The following CELSR1 variants were observed in gnomAD, a reference collection of about 807,000 sequenced individuals.
CELSR1 encodes adhesion G protein-coupled receptor C1.
CELSR1 carries 110 observed loss-of-function variants against 249.1 expected under a neutral mutation model. The observed-to-expected ratio is 0.44, with a 90% CI of 0.38 to 0.52. The LOEUF (loss-of-function observed/expected upper bound fraction) is 0.52. CELSR1 is among the 20% of genes least tolerant of loss of function. CELSR1 has a pLI of 0.00. For synonymous variants in CELSR1, 2,113 were observed against 1,900.0 expected, an observed-to-expected ratio of 1.11 and a Z score of -2.92; for missense variants, 4,109 against 4,296.4, an observed-to-expected ratio of 0.96 and a Z score of 1.22.
chr22:46,379,860 G>A lies in CELSR1; in HGVS notation c.7256+928C>T, dbSNP rs531981317. ...TTCCCGGCACTCCCTCCCGGTGTGTGGGGAGGCAGTGGGTCTTCCCCTCCC... is the reference window on the plus strand; with the variant it reads ...TTCCCGGCACTCCCTCCCGGTGTGTAGGGAGGCAGTGGGTCTTCCCCTCCC... On this transcript the variant is annotated intron_variant, in intron 22 of 34. Transcript: ENST00000674500. 6.8e-3 allele frequency among the ~76,000 whole-genome samples: 1,032 copies of A among 152,240 alleles called. 18 individuals carry two copies. Among genetic ancestry groups the A allele is most frequent in the Non-Finnish European group, 8.1e-3 (551 of 68,020 alleles).
At chr22:46,519,710 C>T (rs530342372) in intron 1 of CELSR1, among the ~76,000 whole-genome samples, 1 of 152,268 alleles carries the variant, frequency 6.6e-6, no homozygotes, top group Non-Finnish European at 1.5e-5. Flanking sequence ...AACACTGGAC[C>T]CTGCTCAGGT....
At chr22:46,524,567 T>C (rs2080719682) in intron 1 of CELSR1, among the ~76,000 whole-genome samples, 1 of 66,370 alleles carries the variant, frequency 1.5e-5, no homozygotes, top group Non-Finnish European at 4.4e-5. Flanking sequence ...TGTGTGTGTG[T>C]GTGTCTGTCT....
In CELSR1 at chr22:46,372,413, C is replaced by A. The variant is rs1474823515; in HGVS notation, c.7759+470G>T. On this transcript the variant is annotated intron_variant, in intron 25 of 34. Coordinates refer to ENST00000674500, the MANE Select transcript of CELSR1 (RefSeq NM_001378328.1). ...TCTACCCATCCACTCACTCACCCCT[C>A]CACCCATCCATCCACTCATTCACCC... Among the ~76,000 whole-genome samples the A allele has an allele frequency of 1.5e-4, 19 of 124,468 alleles. 1 individual carries two copies. The highest frequency in any genetic ancestry group is 4.9e-4 in the African/African-American group (16 of 32,676). The allele number at this position is 124,468 out of a possible 152,430, so 81.7% of individuals were successfully genotyped here.
At chr22:46,503,472 C>G (rs2080485283) in intron 1 of CELSR1, among the ~76,000 whole-genome samples, 1 of 152,318 alleles carries the variant, frequency 6.6e-6, no homozygotes, top group Middle Eastern at 3.4e-3. Context: ...CCCACTGTGA[C>G]CACGGGAGGC....
At position 46,454,057 on chromosome 22, in the gene CELSR1, T is replaced by C. The variant is rs2079917165; in HGVS notation, c.4183+9650A>G. Among the ~76,000 whole-genome samples the C allele has an allele frequency of 6.6e-6, 1 of 152,152 alleles. No homozygotes were observed. Among genetic ancestry groups the C allele is most frequent in the South Asian group, 2.1e-4 (1 of 4,814 alleles). On this transcript the variant is annotated intron_variant, in intron 2 of 34. Transcript: ENST00000674500. This position sits in a 1 kb window ranked among gnomAD's most constrained non-coding sequence, Gnocchi z 5.1. ...GGGGCAGTCATCCTGCATTACTGTG[T>C]GGCCCCAAAGTCATCACAAGGCTCC...
At chr22:46,373,710 G>T (rs2078885828) in intron 24 of CELSR1, among the ~76,000 whole-genome samples, 1 of 136,820 alleles carries the variant, frequency 7.3e-6, no homozygotes. Flanking sequence ...AGATGGGGGA[G>T]ATGGGGGAGA....
chr22:46,478,830 G>A (rs1490829567), intron 1 of CELSR1, among the ~76,000 whole-genome samples: 3 of 151,896 alleles, frequency 2.0e-5, no homozygotes, highest in Admixed American at 6.6e-5. Context: ...GGGATTACAG[G>A]TGTGAGCCAC....
chr22:46,505,694 G>A lies in CELSR1; in HGVS notation c.3544+27933C>T, dbSNP rs185169480. 3.3e-5 allele frequency among the ~76,000 whole-genome samples: 5 copies of A among 152,110 alleles called. No individual in the cohort carries two copies. The East Asian group carries it at 9.6e-4, about 29-fold the overall frequency. ...GCAATTTGCACTTGGAGGTGGGTGG[G>A]GAAACACAGAAATGGTGTATATGTT... On this transcript the variant is annotated intron_variant, in intron 1 of 34. Coordinates refer to ENST00000674500, the MANE Select transcript of CELSR1 (RefSeq NM_001378328.1).
At chr22:46,386,290 G>A in intron 19 of CELSR1, 112 bp downstream of exon 19, 1 of 1,220,132 alleles carries the variant, frequency 8.2e-7, no homozygotes, top group Non-Finnish European at 1.1e-6. Flanking sequence ...TTTTCTAAGA[G>A]CATGGCCAAG....
rs922725560 is a variant in CELSR1 at position 46,518,893 on chromosome 22, C to T, written c.3544+14734G>A. On this transcript the variant is annotated intron_variant, in intron 1 of 34. Coordinates refer to ENST00000674500, the MANE Select transcript of CELSR1 (RefSeq NM_001378328.1). This position sits in a 1 kb window ranked among gnomAD's most constrained non-coding sequence, Gnocchi z 5.2. The stretch of plus-strand genomic sequence containing the variant: ...ACTAAAAATACAAAAATTAGCTGGA[C>T]GTGGTGGCGCATGCCTGTAATCCCA... Among the ~76,000 whole-genome samples the T allele has an allele frequency of 3.9e-5, 6 of 152,048 alleles. No individual in the cohort carries two copies. In the East Asian group the frequency reaches 9.6e-4, roughly 24 times the overall value.
rs1569162025 is a variant in CELSR1, at chr22:46,437,682, CG to C, written c.4407-1394del. Among the ~76,000 whole-genome samples the C allele has an allele frequency of 1.3e-5, 2 of 149,622 alleles. No homozygotes were observed. The highest frequency in any genetic ancestry group is 3.0e-5 in the Non-Finnish European group (2 of 67,728). ...AGGAGAATTGCTTGAACCTGGGAGG[CG>C]GAAGTTGCAGTGAGCCGAGATCATA... is the stretch of plus-strand genomic sequence containing the variant. On this transcript the variant is annotated intron_variant, in intron 3 of 34. Coordinates refer to ENST00000674500, the MANE Select transcript of CELSR1 (RefSeq NM_001378328.1). The surrounding 1 kb of genome is among the most constrained non-coding windows in gnomAD (Gnocchi z 4.9).
chr22:46,431,602 G>T (rs2079596384), intron 5 of CELSR1, among the ~76,000 whole-genome samples: 1 of 152,240 alleles, frequency 6.6e-6, no homozygotes, highest in South Asian at 2.1e-4. Context: ...GAGCTCTGGT[G>T]TCCAGCCCCA....
At chr22:46,416,388 C>T (rs1238431509) in intron 5 of CELSR1, among the ~76,000 whole-genome samples, 5 of 152,190 alleles carry the variant, frequency 3.3e-5, no homozygotes, top group African/African-American at 9.6e-5. Context: ...CCCCCCCCAA[C>T]CCCTGCACCA....
chr22:46,464,263 G>T lies in CELSR1; in HGVS notation c.3627C>A (p.Val1209=). The T allele has an allele frequency of 6.2e-7, 1 of 1,613,744 alleles. No individual in the cohort carries two copies. The highest frequency in any genetic ancestry group is 1.1e-5 in the South Asian group (1 of 91,082). Residue 1209 remains valine (V), a synonymous_variant, in exon 2 of 35, where the codon GTC becomes GTA. Transcript: ENST00000674500. This position sits in a 1 kb window ranked among gnomAD's most constrained non-coding sequence, Gnocchi z 8.5. The part of the protein sequence containing the change: ...TDDMLTNSIT[V]RLENMSQEKF... ...TCTCCTGGGACATGTTCTCCAGGCG[G>T]ACAGTGATGCTGTTGGTCAGCATGT...
In CELSR1 at chr22:46,366,485, A is replaced by AGGGAG; in HGVS notation, c.8206-10_8206-6dup. The stretch of plus-strand genomic sequence containing the variant: ...GGTGTTGCAGTTGAGGGAGCGCTGA[A>AGGGAG]GGGAGGGGAGGGGCTGGTCACTGCC... On this transcript the variant is annotated splice_polypyrimidine_tract_variant and splice_region_variant and intron_variant, in intron 29 of 34. Transcript: ENST00000674500. The AGGGAG allele has an allele frequency of 5.8e-6, 9 of 1,548,686 alleles. No homozygotes were observed. Among genetic ancestry groups the AGGGAG allele is most frequent in the South Asian group, 1.2e-5 (1 of 84,030 alleles).
At chr22:46,463,088 G>A (rs999102999) in intron 2 of CELSR1, among the ~76,000 whole-genome samples, 6 of 152,200 alleles carry the variant, frequency 3.9e-5, no homozygotes, top group African/African-American at 1.2e-4. Context: ...CATTTCATGC[G>A]TTTAGGTTTT....
At chr22:46,529,877 T>C (rs889992165) in intron 1 of CELSR1, among the ~76,000 whole-genome samples, 1 of 152,022 alleles carries the variant, frequency 6.6e-6, no homozygotes, top group Non-Finnish European at 1.5e-5. Context: ...TAATTGTACA[T>C]TCAAAAATAA....
intron 1 of CELSR1, among the ~76,000 whole-genome samples, chr22:46,485,829 G>A (rs766546323): frequency 5.3e-5 from 8 of 151,598 alleles, no homozygotes; most frequent in African/African-American, 1.7e-4. Context: ...ACGTGAACCC[G>A]TTTTGTTCAG....
chr22:46,444,139 G>A (rs1569167392), intron 2 of CELSR1, among the ~76,000 whole-genome samples: 1 of 152,208 alleles, frequency 6.6e-6, no homozygotes, highest in South Asian at 2.1e-4. Context: ...TGACCTCCAC[G>A]TAGCTTCCCG....
Sources: allele counts gnomAD v4.1 joint callset (sites outside exome capture counted in the v4.1 genomes callset), GRCh38; gene constraint gnomAD v4.1.1; non-coding constraint Gnocchi (gnomAD v3.1); transcripts MANE v1.5; gene names NCBI Gene and HGNC (gene_info 2026-07-23, HGNC 2026-07-21).